The following CRYBG1 variants were observed in gnomAD, a reference collection of about 807,000 sequenced individuals.
The protein encoded by CRYBG1 is crystallin beta-gamma domain containing 1.
In CRYBG1, 139 loss-of-function variants were observed where a neutral mutation model predicts 189.2. The ratio of observed to expected loss-of-function variants is 0.73; its 90% confidence interval spans 0.64 to 0.85. The LOEUF is 0.85. Among genes scored for constraint, CRYBG1 ranks in the 40% least tolerant of loss-of-function variants. CRYBG1 has a pLI of 0.00. For missense variants in CRYBG1, 2,611 were observed against 2,675.8 expected, an observed-to-expected ratio of 0.98 and a Z score of 0.53; for synonymous variants, 1,023 against 1,017.1, an observed-to-expected ratio of 1.01 and a Z score of -0.11.
chr6:106,431,081 C>G (rs560553194), intron 1 of CRYBG1, among the ~76,000 whole-genome samples: 81 of 152,186 alleles, frequency 5.3e-4, no homozygotes, highest in African/African-American at 2.0e-3. Context: ...AGGCTGGTCT[C>G]AAACTCCTGA....
At chr6:106,517,187 G>A (rs533791283) in intron 3 of CRYBG1, among the ~76,000 whole-genome samples, 1 of 149,768 alleles carries the variant, frequency 6.7e-6, no homozygotes, top group Non-Finnish European at 1.5e-5. Context: ...TTTTTTGTTT[G>A]TTTTGTAGAG....
At chr6:106,430,825 T>A (rs1453595263) in intron 1 of CRYBG1, among the ~76,000 whole-genome samples, 1 of 152,144 alleles carries the variant, frequency 6.6e-6, no homozygotes, top group Non-Finnish European at 1.5e-5. Flanking sequence ...AAGAGCAGCA[T>A]GCAGTACAGA....
intron 21 of CRYBG1, among the ~76,000 whole-genome samples, chr6:106,566,464 C>CTTTTTTGTTTTTTTTTTT (rs1774890582): frequency 1.4e-5 from 1 of 71,650 alleles, no homozygotes; most frequent in African/African-American, 6.3e-5. Context: ...CAACAACAGT[C>CTTTTTTGTTTTTTTTTTT]TTTTTTTTTT....
chr6:106,427,737 T>C (rs1409648453), intron 1 of CRYBG1, among the ~76,000 whole-genome samples: 1 of 152,186 alleles, frequency 6.6e-6, no homozygotes, highest in Non-Finnish European at 1.5e-5. Context: ...AATGTGATGG[T>C]GTTTTCCCCC....
In CRYBG1 at chr6:106,519,209, A is replaced by T. The variant is rs1773520768; in HGVS notation, c.2001A>T (p.Pro667=). 1 of 1,614,012 alleles carries T rather than the reference A, an allele frequency of 6.2e-7. No homozygotes were observed. The highest frequency in any genetic ancestry group is 1.3e-5 in the African/African-American group (1 of 74,910). The change falls in exon 4 of 22, where the codon CCA becomes CCT. Residue 667 remains proline, a synonymous_variant. Coordinates refer to ENST00000633556, the MANE Select transcript of CRYBG1 (RefSeq NM_001371242.2). The part of the protein sequence containing the change: ...NLDSLGNEHN[P]FSQPVHKGNT... ...ACAGTTTGGGAAATGAGCACAATCC[A>T]TTTAGCCAGCCAGTTCACAAAGGCA...
At chr6:106,511,394 C>T in intron 2 of CRYBG1, 36 bp from the exon 3 acceptor site, 3 of 1,482,808 alleles carry the variant, frequency 2.0e-6, no homozygotes, top group East Asian at 2.5e-5. Flanking sequence ...ACACCAGATT[C>T]TCATATGTTC....
intron 1 of CRYBG1, among the ~76,000 whole-genome samples, chr6:106,377,678 T>C (rs1770199824): frequency 6.7e-6 from 1 of 150,368 alleles, no homozygotes; most frequent in South Asian, 2.1e-4. Context: ...AAGATTTAAA[T>C]AAATTTTGTC....
Position 106,512,859 on chromosome 6 carries a change from AGATCAAG to A in CRYBG1, c.1743_1749del (p.Glu581AspfsTer40). 6.3e-7 allele frequency: 1 copy of A among 1,588,432 alleles called. No individual in the cohort carries two copies. The highest frequency in any genetic ancestry group is 8.6e-7 in the Non-Finnish European group (1 of 1,167,650). On this transcript the variant is annotated frameshift_variant, in exon 3 of 22. Transcript: ENST00000633556. LOFTEE classifies it high-confidence loss of function. The stretch of plus-strand genomic sequence containing the variant: ...GTCAAGAGCAGCTCGCTGCTGCCGG[AGATCAAG>A]CCCGAGCACAAGAGGGGCCCGCTCC...
chr6:106,423,069 T>A (rs1247801986), intron 1 of CRYBG1, among the ~76,000 whole-genome samples: 2 of 152,216 alleles, frequency 1.3e-5, no homozygotes, highest in Non-Finnish European at 2.9e-5. Flanking sequence ...GCTATCTTGA[T>A]GTAGTTACTT....
chr6:106,511,184 A>T (rs1194786070), intron 2 of CRYBG1, among the ~76,000 whole-genome samples: 2 of 152,216 alleles, frequency 1.3e-5, no homozygotes, highest in Non-Finnish European at 2.9e-5. Flanking sequence ...CCTTTAAAAA[A>T]CAAGAATTAT....
intron 1 of CRYBG1, among the ~76,000 whole-genome samples, chr6:106,376,849 T>C (rs1044958548): frequency 1.3e-5 from 2 of 152,194 alleles, no homozygotes; most frequent in South Asian, 2.1e-4. Context: ...TTTAGGGCTT[T>C]GTACTGCAGA....
chr6:106,507,491 C>T lies in CRYBG1; in HGVS notation c.313-3939C>T, dbSNP rs1773157528. Among the ~76,000 whole-genome samples the T allele has an allele frequency of 2.0e-5, 3 of 152,190 alleles. No homozygotes were observed. The South Asian group carries it at 6.2e-4, about 31-fold the overall frequency. On this transcript the variant is annotated intron_variant, in intron 2 of 21. Transcript: ENST00000633556. Reference sequence around the variant, plus strand: ...GTGGGAAAGTCAGGGGCAGAGGAATCTGAGGAAGCATGAAGAAACTTGATG... The same window carrying T: ...GTGGGAAAGTCAGGGGCAGAGGAATTTGAGGAAGCATGAAGAAACTTGATG...
intron 2 of CRYBG1, among the ~76,000 whole-genome samples, chr6:106,471,741 AC>A (rs201145998): frequency 0.012 from 1,731 of 147,524 alleles, 33 homozygotes; most frequent in African/African-American, 0.041. Flanking sequence ...CCCCACCCCT[AC>A]CCCCCAGCCC....
intron 10 of CRYBG1, among the ~76,000 whole-genome samples, 191 bp from the exon 11 acceptor site, chr6:106,543,249 C>T (rs1255345527): frequency 1.3e-4 from 20 of 152,054 alleles, no homozygotes; most frequent in African/African-American, 2.4e-4. Context: ...AGGCTGGTCT[C>T]GAACTCCTGA....
At chr6:106,516,673 TA>T (rs372517914) in intron 3 of CRYBG1, among the ~76,000 whole-genome samples, 71 of 152,316 alleles carry the variant, frequency 4.7e-4, no homozygotes, top group African/African-American at 1.6e-3. Flanking sequence ...TCACTGACTT[TA>T]AATGATAAAG....
At chr6:106,496,922 C>T (rs1201049040) in intron 2 of CRYBG1, among the ~76,000 whole-genome samples, 1 of 152,204 alleles carries the variant, frequency 6.6e-6, no homozygotes, top group Non-Finnish European at 1.5e-5. Context: ...GGCAGGAGAG[C>T]CTGGCGCACA....
At chr6:106,500,754 C>T (rs1222708699) in intron 2 of CRYBG1, among the ~76,000 whole-genome samples, 1 of 152,108 alleles carries the variant, frequency 6.6e-6, no homozygotes, top group Non-Finnish European at 1.5e-5. Context: ...TTCCATTTCC[C>T]TTCTCTTCCC....
At chr6:106,560,564 A>G (rs1454585344) in intron 18 of CRYBG1, among the ~76,000 whole-genome samples, 1 of 152,216 alleles carries the variant, frequency 6.6e-6, no homozygotes, top group Non-Finnish European at 1.5e-5. Context: ...ACGGAGGAAA[A>G]AACTTACCTA....
At chr6:106,501,730 T>C (rs1211906180) in intron 2 of CRYBG1, among the ~76,000 whole-genome samples, 1 of 152,230 alleles carries the variant, frequency 6.6e-6, no homozygotes, top group Admixed American at 6.5e-5. Context: ...GTTCTGATCA[T>C]AGAAGTGTGA....
Sources: allele counts gnomAD v4.1 joint callset (sites outside exome capture counted in the v4.1 genomes callset), GRCh38; gene constraint gnomAD v4.1.1; transcripts MANE v1.5; gene names NCBI Gene and HGNC (gene_info 2026-07-23, HGNC 2026-07-21).